The following AGTPBP1 variants were observed in gnomAD, a reference collection of about 807,000 sequenced individuals.
AGTPBP1 encodes cytosolic carboxypeptidase 1.
AGTPBP1 carries 70 observed loss-of-function variants against 143.9 expected under a neutral mutation model. That is an observed-to-expected ratio of 0.49 (90% CI 0.40 to 0.59). The LOEUF (loss-of-function observed/expected upper bound fraction) is 0.59. Among genes scored for constraint, AGTPBP1 ranks in the 20% least tolerant of loss-of-function variants. AGTPBP1 has a pLI of 0.00. For missense variants in AGTPBP1, 1,229 were observed against 1,464.5 expected (o/e 0.84, Z 2.62); for synonymous variants, 463 against 500.2 (o/e 0.93, Z 0.99).
At chr9:85,733,668 C>T (rs1205182613) in intron 1 of AGTPBP1, among the ~76,000 whole-genome samples, 2 of 151,940 alleles carry the variant, frequency 1.3e-5, no homozygotes, top group Non-Finnish European at 2.9e-5. Flanking sequence ...TCAACAAAAC[C>T]AAAAGTTGGT....
chr9:85,660,946 C>T lies in AGTPBP1; in HGVS notation c.690G>A (p.Leu230=). ...TATTTAAAAACTTACTTGATTTTAG[C>T]AATGCAGCAAGAGTGTCTAAAGCAA... ...IKVALDTLAA[L]LKSKTNARRA... is the part of the protein sequence containing the mutation. Residue 230 remains leucine (L), a synonymous_variant, in exon 9 of 26, where the codon TTG becomes TTA. Transcript: ENST00000357081. 1 of 1,587,726 alleles carries T rather than the reference C, an allele frequency of 6.3e-7. No homozygotes were observed. The highest frequency in any genetic ancestry group is 8.6e-7 in the Non-Finnish European group (1 of 1,169,288).
chr9:85,690,441 C>T (rs746527843), intron 3 of AGTPBP1, among the ~76,000 whole-genome samples: 41 of 152,274 alleles, frequency 2.7e-4, no homozygotes, highest in Admixed American at 9.8e-4. Context: ...GGAAGAGGGT[C>T]ATTCTCTGAT....
chr9:85,580,128 C>T (rs369462381), intron 23 of AGTPBP1, among the ~76,000 whole-genome samples: 136 of 151,600 alleles, frequency 9.0e-4, no homozygotes, highest in African/African-American at 3.2e-3. Context: ...ATCCCAGTTA[C>T]TCAGGCGGCT....
intron 17 of AGTPBP1, among the ~76,000 whole-genome samples, chr9:85,615,931 C>A (rs771850376): frequency 6.6e-6 from 1 of 151,904 alleles, no homozygotes; most frequent in African/African-American, 2.4e-5. Context: ...AATTACAGTA[C>A]TTCCACTGGA....
chr9:85,712,606 CT>C, intron 1 of AGTPBP1, 40 bp from the exon 2 acceptor site: 1 of 1,070,284 alleles, frequency 9.3e-7, no homozygotes, highest in Non-Finnish European at 1.3e-6. Flanking sequence ...ACTTATAACT[CT>C]TTTTTCTATA....
At chr9:85,678,465 G>C (rs1359974295) in intron 4 of AGTPBP1, 67 bp from the exon 5 acceptor site, 4 of 999,162 alleles carry the variant, frequency 4.0e-6, no homozygotes, top group Admixed American at 4.7e-5. Context: ...TGAATCCACT[G>C]GGAACTACCT....
chr9:85,672,672 A>C lies in AGTPBP1; in HGVS notation c.446T>G (p.Phe149Cys). ...LAKIGPKDKK[F>C]GVKARINGAL... ...CCCATTAATTCTAGCCTTTACTCCAAATTTTTTATCTGTTTAAAAAAAAAA... is the reference window on the plus strand; with the variant it reads ...CCCATTAATTCTAGCCTTTACTCCACATTTTTTATCTGTTTAAAAAAAAAA... The change falls in exon 7 of 26, where the codon TTT (phenylalanine) becomes TGT (cysteine). Residue 149 changes from phenylalanine (F) to cysteine (C), a missense_variant. Physicochemically the swap from Phe to Cys is radical, Grantham distance 205. This residue lies in a region of AGTPBP1 where 743 missense variants were observed against 812.2 expected (regional missense o/e 0.91). Coordinates refer to ENST00000357081, the MANE Select transcript of AGTPBP1 (RefSeq NM_001330701.2). The C allele has an allele frequency of 6.3e-7, 1 of 1,593,068 alleles. No individual in the cohort carries two copies. The highest frequency in any genetic ancestry group is 8.5e-7 in the Non-Finnish European group (1 of 1,173,208).
At chr9:85,723,969 C>T (rs1838298046) in intron 1 of AGTPBP1, among the ~76,000 whole-genome samples, 1 of 152,156 alleles carries the variant, frequency 6.6e-6, no homozygotes, top group Non-Finnish European at 1.5e-5. Context: ...TGATCTTAAA[C>T]TTTCCAGCCA....
chr9:85,684,247 G>C (rs1404768950), intron 3 of AGTPBP1, among the ~76,000 whole-genome samples: 1 of 152,074 alleles, frequency 6.6e-6, no homozygotes, highest in East Asian at 1.9e-4. Flanking sequence ...AAAGTAATTA[G>C]TTAACAAAAC....
chr9:85,578,855 C>A (rs1828058017), intron 24 of AGTPBP1, 65 bp downstream of exon 24: 1 of 1,506,784 alleles, frequency 6.6e-7, no homozygotes, highest in Admixed American at 2.0e-5. Context: ...TTAAAAACCA[C>A]AAGATATATA....
the AGTPBP1 span, among the ~76,000 whole-genome samples, chr9:85,800,878 A>C: frequency 7.3e-5 from 11 of 151,228 alleles, no homozygotes; most frequent in Non-Finnish European, 1.5e-4. Context: ...TCATAATTCT[A>C]CCCCTAGCAA....
chr9:85,672,015 C>A (rs1834510745), intron 7 of AGTPBP1, among the ~76,000 whole-genome samples: 1 of 152,158 alleles, frequency 6.6e-6, no homozygotes, highest in Admixed American at 6.5e-5. Context: ...CTCCTCACTC[C>A]TATCCTTTAT....
At chr9:85,749,305 A>C in the AGTPBP1 span, among the ~76,000 whole-genome samples, 2,436 of 152,162 alleles carry the variant, frequency 0.016, 26 homozygotes, top group Middle Eastern at 0.037. Context: ...ACGTAGGGCA[A>C]TTTTATTCCA....
intron 1 of AGTPBP1, among the ~76,000 whole-genome samples, chr9:85,731,760 G>A (rs960273254): frequency 3.2e-4 from 49 of 152,052 alleles, no homozygotes; most frequent in Non-Finnish European, 5.6e-4. Context: ...CAATGATTAT[G>A]TTATATTTTA....
the AGTPBP1 span, among the ~76,000 whole-genome samples, chr9:85,748,988 T>C: frequency 1.3e-5 from 2 of 148,288 alleles, no homozygotes; most frequent in Non-Finnish European, 3.0e-5. Flanking sequence ...TACCTTCTTA[T>C]CTAGTGCACT....
intron 20 of AGTPBP1, among the ~76,000 whole-genome samples, chr9:85,589,262 T>C (rs1273986526): frequency 2.0e-5 from 3 of 152,106 alleles, no homozygotes; most frequent in African/African-American, 4.8e-5. Context: ...GTATTCTACT[T>C]TGAATACAAT....
In AGTPBP1 at chr9:85,672,587, T is replaced by C. The variant is rs200696907; in HGVS notation, c.531A>G (p.Leu177=). The C allele has an allele frequency of 6.2e-7, 1 of 1,613,824 alleles. No homozygotes were observed. Among genetic ancestry groups the C allele is most frequent in the Non-Finnish European group, 8.5e-7 (1 of 1,179,926 alleles). Residue 177 remains leucine (L), a synonymous_variant, in exon 7 of 26, where the codon CTA becomes CTG. Coordinates refer to ENST00000357081, the MANE Select transcript of AGTPBP1 (RefSeq NM_001330701.2). ...ATACTCGTAAAAGCTGAAGGCAAGG[T>C]AGAACCAAGCGATGATTCTGCAAAT... ...KQNLQNHRLV[L]PCLQLLRVYS...
At chr9:85,631,221 G>A (rs1831656042) in intron 14 of AGTPBP1, among the ~76,000 whole-genome samples, 1 of 152,202 alleles carries the variant, frequency 6.6e-6, no homozygotes, top group Admixed American at 6.5e-5. Flanking sequence ...GCCCAGAGGT[G>A]GAGGGACAGA....
At chr9:85,705,941 C>T (rs972477543) in intron 2 of AGTPBP1, among the ~76,000 whole-genome samples, 7 of 151,796 alleles carry the variant, frequency 4.6e-5, no homozygotes, top group Non-Finnish European at 8.8e-5. Context: ...CCGCCCGCCT[C>T]GGCCTCCCAA....
Sources: allele counts gnomAD v4.1 joint callset (sites outside exome capture counted in the v4.1 genomes callset), GRCh38; gene constraint gnomAD v4.1.1; regional missense constraint gnomAD v4.1.1; transcripts MANE v1.5; gene names NCBI Gene and HGNC (gene_info 2026-07-23, HGNC 2026-07-21).